Variants in ANKRD30B observed in about 807,000 individuals in gnomAD.
ANKRD30B encodes ankyrin repeat domain-containing protein 30B.
In ANKRD30B, 144 loss-of-function variants were observed where a neutral mutation model predicts 202.2. That is an observed-to-expected ratio of 0.71 (90% CI 0.62 to 0.82). ANKRD30B has a LOEUF of 0.82. Among genes scored for constraint, ANKRD30B ranks in the 40% least tolerant of loss-of-function variants. The pLI is 0.00. For synonymous variants in ANKRD30B, 508 were observed against 561.3 expected (o/e 0.91, Z 1.34); for missense variants, 1,487 against 1,669.1 (o/e 0.89, Z 1.90).
intron 34 of ANKRD30B, among the ~76,000 whole-genome samples, chr18:14,836,220 A>G (rs71201732): frequency 6.6e-6 from 1 of 152,172 alleles, no homozygotes; most frequent in Non-Finnish European, 1.5e-5. Context: ...TAAGCCCCAT[A>G]GATGCCTCAA....
At chr18:14,904,446 A>G in the ANKRD30B span, among the ~76,000 whole-genome samples, 1 of 152,100 alleles carries the variant, frequency 6.6e-6, no homozygotes, top group Non-Finnish European at 1.5e-5. Context: ...TCACTTTACC[A>G]GGCACACAGG....
chr18:14,811,155 TCTGA>T (rs1161528944), intron 28 of ANKRD30B, among the ~76,000 whole-genome samples: 38 of 151,658 alleles, frequency 2.5e-4, no homozygotes, highest in African/African-American at 8.5e-4. Flanking sequence ...TGTGTGTGGT[TCTGA>T]CTATGTGTAG....
the ANKRD30B span, among the ~76,000 whole-genome samples, chr18:14,934,063 C>T: frequency 6.6e-6 from 1 of 152,232 alleles, no homozygotes; most frequent in Non-Finnish European, 1.5e-5. Flanking sequence ...CTCTGCTTTG[C>T]ATTCCACCCT....
At chr18:14,828,551 A>T (rs1970760062) in intron 33 of ANKRD30B, among the ~76,000 whole-genome samples, 1 of 152,202 alleles carries the variant, frequency 6.6e-6, no homozygotes, top group Non-Finnish European at 1.5e-5. Context: ...ATAGCTAAAA[A>T]GTAGCTGACC....
intron 16 of ANKRD30B, among the ~76,000 whole-genome samples, chr18:14,795,452 C>T (rs375409051): frequency 1.4e-4 from 22 of 152,234 alleles, no homozygotes; most frequent in Middle Eastern, 3.4e-3. Flanking sequence ...CCTCTTCAGG[C>T]GTCCAAGGTT....
the ANKRD30B span, among the ~76,000 whole-genome samples, chr18:14,919,493 G>C: frequency 6.6e-6 from 1 of 152,274 alleles, no homozygotes; most frequent in African/African-American, 2.4e-5. Flanking sequence ...GATTTAAGGT[G>C]GGAGGAGCTC....
At chr18:14,936,272 T>C in the ANKRD30B span, among the ~76,000 whole-genome samples, 3 of 152,224 alleles carry the variant, frequency 2.0e-5, no homozygotes, top group Non-Finnish European at 4.4e-5. Context: ...CCATCCTTCA[T>C]GTTCAATTTC....
chr18:14,754,016 T>C (rs1042627598), intron 3 of ANKRD30B, among the ~76,000 whole-genome samples: 6 of 152,184 alleles, frequency 3.9e-5, no homozygotes, highest in Admixed American at 1.3e-4. Context: ...CCTAGGATTA[T>C]CATTATAATT....
the ANKRD30B span, among the ~76,000 whole-genome samples, chr18:14,932,407 G>A: frequency 1.3e-5 from 2 of 152,036 alleles, no homozygotes; most frequent in Admixed American, 1.3e-4. Flanking sequence ...CGCGATCTCG[G>A]CTCACTGCAA....
At chr18:14,791,560 C>A in intron 16 of ANKRD30B, 69 bp downstream of exon 16, 5 of 1,243,656 alleles carry the variant, frequency 4.0e-6, no homozygotes, top group South Asian at 1.3e-5. Context: ...GGAAGGATAT[C>A]CTCTAATAGA....
chr18:14,860,281 C>G, the ANKRD30B span, among the ~76,000 whole-genome samples: 5 of 130,528 alleles, frequency 3.8e-5, no homozygotes, highest in Non-Finnish European at 8.1e-5. Flanking sequence ...GGGTGGCGGT[C>G]AGGCAGAGGT....
At chr18:14,927,512 C>G in the ANKRD30B span, among the ~76,000 whole-genome samples, 1 of 152,156 alleles carries the variant, frequency 6.6e-6, no homozygotes, top group African/African-American at 2.4e-5. Context: ...CCAGCTAAAC[C>G]ATGGACAGCA....
intron 9 of ANKRD30B, 117 bp from the exon 10 acceptor site, chr18:14,777,868 G>A: frequency 2.9e-6 from 2 of 678,838 alleles, no homozygotes; most frequent in Non-Finnish European, 5.1e-6. Flanking sequence ...GCTTGAACCT[G>A]GGAGACAGAG....
chr18:14,837,966 A>G (rs1463383670), intron 36 of ANKRD30B, among the ~76,000 whole-genome samples: 2 of 152,338 alleles, frequency 1.3e-5, no homozygotes, highest in East Asian at 3.9e-4. Context: ...CAGGGAGCCC[A>G]GATCATGCCA....
chr18:14,901,687 G>A, the ANKRD30B span, among the ~76,000 whole-genome samples: 7 of 151,946 alleles, frequency 4.6e-5, no homozygotes, highest in African/African-American at 7.3e-5. Flanking sequence ...AAAACTATTC[G>A]TGGGTATTTG....
chr18:14,925,331 A>AGGGGCCCT, the ANKRD30B span, among the ~76,000 whole-genome samples: 1 of 152,152 alleles, frequency 6.6e-6, no homozygotes, highest in Non-Finnish European at 1.5e-5. Flanking sequence ...TGTGGGGACC[A>AGGGGCCCT]GGGGCCCTGG....
At chr18:14,748,986 T>C (rs1209694235) in intron 1 of ANKRD30B, among the ~76,000 whole-genome samples, 2 of 152,234 alleles carry the variant, frequency 1.3e-5, no homozygotes, top group Non-Finnish European at 2.9e-5. Flanking sequence ...GGTTTTACTT[T>C]TAATGTACAG....
the ANKRD30B span, among the ~76,000 whole-genome samples, chr18:14,859,924 T>A: frequency 9.2e-6 from 1 of 108,982 alleles, no homozygotes; most frequent in African/African-American, 3.7e-5. Context: ...ACCTACCAGA[T>A]GATGGGCAGC....
chr18:14,888,162 G>T, the ANKRD30B span, among the ~76,000 whole-genome samples: 74,438 of 147,994 alleles, frequency 0.5, 17,955 homozygotes, highest in Non-Finnish European at 0.52. Flanking sequence ...ATTTTTTTGA[G>T]AATATTCTTT....
Sources: gnomAD v4.1 joint callset for allele counts (sites outside exome capture counted in the v4.1 genomes callset) on GRCh38, gnomAD v4.1.1 for gene constraint, MANE v1.5 for transcripts, NCBI Gene and HGNC (gene_info 2026-07-23, HGNC 2026-07-21) for gene names.